TBC1D32: variants seen among roughly 807,000 people sequenced by gnomAD.
TBC1D32 encodes TBC1 domain family member 32.
TBC1D32 carries 151 observed loss-of-function variants against 170.3 expected under a neutral mutation model. The observed-to-expected ratio is 0.89, with a 90% CI of 0.78 to 1.01. TBC1D32 has a LOEUF of 1.01. TBC1D32 is among the 50% of genes least tolerant of loss of function. The pLI is 0.00. For missense variants in TBC1D32, 1,464 were observed against 1,457.1 expected (o/e 1.00, Z -0.08); for synonymous variants, 498 against 488.0 (o/e 1.02, Z -0.27).
intron 31 of TBC1D32, among the ~76,000 whole-genome samples, chr6:121,085,912 G>A (rs551279378): frequency 6.6e-6 from 1 of 152,180 alleles, no homozygotes; most frequent in African/African-American, 2.4e-5. Flanking sequence ...AACAGTATAA[G>A]AGGGTATTTC....
chr6:121,094,851 T>C (rs891499959), intron 30 of TBC1D32, among the ~76,000 whole-genome samples: 2 of 152,164 alleles, frequency 1.3e-5, no homozygotes, highest in African/African-American at 4.8e-5. Flanking sequence ...TATAATAACA[T>C]ATTTGTGGAT....
At chr6:121,219,819 T>C (rs1038574681) in intron 21 of TBC1D32, among the ~76,000 whole-genome samples, 3 of 152,282 alleles carry the variant, frequency 2.0e-5, no homozygotes, top group African/African-American at 7.2e-5. Flanking sequence ...ATGTGTTCAC[T>C]TTGTGTCTCT....
intron 31 of TBC1D32, among the ~76,000 whole-genome samples, chr6:121,085,942 A>T (rs571189397): frequency 6.6e-6 from 1 of 152,166 alleles, no homozygotes; most frequent in African/African-American, 2.4e-5. Context: ...TGTGAAGGTA[A>T]TGTCATTGAC....
At chr6:121,284,166 A>C (rs1370598485) in intron 12 of TBC1D32, among the ~76,000 whole-genome samples, 2 of 152,104 alleles carry the variant, frequency 1.3e-5, no homozygotes, top group Admixed American at 1.3e-4. Context: ...CAATCACTTA[A>C]GATAAACCTA....
chr6:121,266,594 T>C (rs140548040), intron 15 of TBC1D32, among the ~76,000 whole-genome samples: 2,772 of 152,212 alleles, frequency 0.018, 101 homozygotes, highest in African/African-American at 0.063. Context: ...ATCATTCTAT[T>C]ATAAAGATAC....
At chr6:121,124,678 G>C (rs544157733) in intron 26 of TBC1D32, among the ~76,000 whole-genome samples, 59 of 151,570 alleles carry the variant, frequency 3.9e-4, no homozygotes, top group African/African-American at 1.4e-3. Flanking sequence ...TTGTTTTTTT[G>C]ATGTTGTTAT....
intron 1 of TBC1D32, among the ~76,000 whole-genome samples, chr6:121,325,549 G>A (rs907753743): frequency 2.0e-5 from 3 of 152,154 alleles, no homozygotes; most frequent in Non-Finnish European, 4.4e-5. Flanking sequence ...AATAAATGGT[G>A]TTGGGAAAAC....
At chr6:121,157,051 A>G (rs1784991001) in intron 24 of TBC1D32, among the ~76,000 whole-genome samples, 1 of 152,082 alleles carries the variant, frequency 6.6e-6, no homozygotes, top group South Asian at 2.1e-4. Context: ...GTTTAATTCC[A>G]CAATATCTTT....
intron 17 of TBC1D32, among the ~76,000 whole-genome samples, chr6:121,243,693 G>A (rs1230654399): frequency 6.6e-6 from 1 of 150,442 alleles, no homozygotes; most frequent in Non-Finnish European, 1.5e-5. Flanking sequence ...CACAAAGTAA[G>A]TTCAACCAAC....
intron 22 of TBC1D32, among the ~76,000 whole-genome samples, chr6:121,179,725 A>G (rs530141432): frequency 6.6e-6 from 1 of 152,310 alleles, no homozygotes; most frequent in South Asian, 2.1e-4. Context: ...ATTTGTGCAG[A>G]ATGTAACAAA....
intron 31 of TBC1D32, among the ~76,000 whole-genome samples, chr6:121,082,380 C>T (rs1775725929): frequency 6.6e-6 from 1 of 151,942 alleles, no homozygotes; most frequent in Non-Finnish European, 1.5e-5. Flanking sequence ...TCATTTTAAA[C>T]AGTTATTGTT....
chr6:121,311,860 A>G (rs533947944), intron 3 of TBC1D32, among the ~76,000 whole-genome samples: 1 of 152,312 alleles, frequency 6.6e-6, no homozygotes, highest in South Asian at 2.1e-4. Context: ...TTCCTCAAGG[A>G]TCTAGAACCA....
At chr6:121,275,361 T>C (rs1474095383) in intron 15 of TBC1D32, among the ~76,000 whole-genome samples, 1 of 152,190 alleles carries the variant, frequency 6.6e-6, no homozygotes, top group Non-Finnish European at 1.5e-5. Flanking sequence ...AACCTTTATG[T>C]TTCCTGTATG....
intron 15 of TBC1D32, among the ~76,000 whole-genome samples, chr6:121,272,665 T>C (rs2128428180): frequency 6.6e-6 from 1 of 152,278 alleles, no homozygotes; most frequent in East Asian, 1.9e-4. Context: ...TTGGTGGGAC[T>C]GTAAACTAGT....
intron 27 of TBC1D32, among the ~76,000 whole-genome samples, chr6:121,114,192 T>C (rs1205122583): frequency 6.6e-6 from 1 of 151,984 alleles, no homozygotes; most frequent in Non-Finnish European, 1.5e-5. Flanking sequence ...ACACAAAATC[T>C]CTTTGCTCGT....
chr6:121,092,197 C>T (rs893507277), intron 30 of TBC1D32, among the ~76,000 whole-genome samples: 1 of 151,148 alleles, frequency 6.6e-6, no homozygotes, highest in African/African-American at 2.4e-5. Context: ...AACACAACTA[C>T]TTTCCAATAT....
At chr6:121,203,438 A>G (rs932273062) in intron 22 of TBC1D32, among the ~76,000 whole-genome samples, 8 of 151,320 alleles carry the variant, frequency 5.3e-5, no homozygotes, top group African/African-American at 1.7e-4. Context: ...TAGCATGTTT[A>G]TGACTACTGA....
In TBC1D32 at chr6:121,154,615, C is replaced by T. The variant is rs143387461; in HGVS notation, c.2773+5395G>A. Among the ~76,000 whole-genome samples the T allele has an allele frequency of 2.6e-5, 4 of 152,244 alleles. No homozygotes were observed. In the East Asian group the frequency reaches 7.7e-4, roughly 29 times the overall value. ...TTCCTAGAAGAAAATCTGGAAAACACCCTTCTCGACATAGGCTTTGGCAAA... is the reference window on the plus strand; with the variant it reads ...TTCCTAGAAGAAAATCTGGAAAACATCCTTCTCGACATAGGCTTTGGCAAA... On this transcript the variant is annotated intron_variant, in intron 24 of 31. Coordinates refer to ENST00000398212, the MANE Select transcript of TBC1D32 (RefSeq NM_152730.6).
chr6:121,111,325 C>A (rs1779183728), intron 29 of TBC1D32, among the ~76,000 whole-genome samples: 1 of 152,074 alleles, frequency 6.6e-6, no homozygotes, highest in Non-Finnish European at 1.5e-5. Context: ...ACACTAAAGG[C>A]AGAACTGTTA....
Sources: gnomAD v4.1 joint callset for allele counts (sites outside exome capture counted in the v4.1 genomes callset) on GRCh38, gnomAD v4.1.1 for gene constraint, MANE v1.5 for transcripts, NCBI Gene and HGNC (gene_info 2026-07-23, HGNC 2026-07-21) for gene names.